Variants in FRS2 observed in about 807,000 individuals in gnomAD.
FRS2 encodes the protein FGFR signalling adaptor.
Under a neutral mutation model 43.9 loss-of-function variants are expected in FRS2, and 8 were observed. The observed-to-expected ratio is 0.18, with a 90% confidence interval of 0.11 to 0.33. FRS2 has a LOEUF of 0.33. Ranked by LOEUF, FRS2 falls within the 10% of genes least tolerant of loss-of-function variation. The probability of loss-of-function intolerance (pLI) is 1.00; values close to 1 mark genes in which losing one functional copy is unlikely to be tolerated. For missense variants in FRS2, 534 were observed against 627.6 expected (o/e 0.85, Z 1.59); for synonymous variants, 219 against 220.3 (o/e 0.99, Z 0.05).
intron 3 of FRS2, among the ~76,000 whole-genome samples, chr12:69,545,766 AAAAAAAAAAAAAC>A (rs1245819174): frequency 1.1e-4 from 16 of 150,786 alleles, no homozygotes; most frequent in African/African-American, 3.2e-4. Context: ...AAAAAAAAAA[AAAAAAAAAAAAAC>A]AAAAACAAAA....
At chr12:69,572,347 ACT>A in intron 8 of FRS2, 66 bp downstream of exon 8, 2 of 1,224,592 alleles carry the variant, frequency 1.6e-6, no homozygotes, top group South Asian at 2.7e-5. Context: ...CTGTGCTAAT[ACT>A]GGAAGATTTT....
rs749215723 is a variant in FRS2 at position 69,574,605 on chromosome 12, G to A, written c.1177G>A (p.Val393Ile). 2 of 1,614,052 alleles carry A rather than the reference G, an allele frequency of 1.2e-6. No homozygotes were observed. Among genetic ancestry groups the A allele is most frequent in the Non-Finnish European group, 1.7e-6 (2 of 1,179,934 alleles). ...TAATCTAGATCCAATGCATAACTAT[G>A]TAAATACAGAGAATGTAACAGTGCC... Reference protein sequence around the residue: ...HNNLDPMHNYVNTENVTVPAS... With the variant: ...HNNLDPMHNYINTENVTVPAS... Residue 393 changes from valine (V) to isoleucine (I), a missense_variant, in exon 9 of 9, where the codon GTA becomes ATA. Val to Ile is a conservative substitution (Grantham distance 29). Around this residue, in one of 3 missense-constraint regions of FRS2, gnomAD observed 446 missense variants for 494.2 expected, o/e 0.90. Transcript: ENST00000549921.
chr12:69,477,534 G>T (rs1422963496), intron 1 of FRS2, among the ~76,000 whole-genome samples: 2 of 150,720 alleles, frequency 1.3e-5, no homozygotes, highest in Non-Finnish European at 2.9e-5. Flanking sequence ...TGCCTGCCTC[G>T]GCCTCCCAAA....
At chr12:69,499,081 T>C (rs1426085215) in intron 1 of FRS2, among the ~76,000 whole-genome samples, 1 of 152,174 alleles carries the variant, frequency 6.6e-6, no homozygotes, top group African/African-American at 2.4e-5. Flanking sequence ...TGAAAATCTA[T>C]TATATTGGTA....
intron 1 of FRS2, among the ~76,000 whole-genome samples, chr12:69,526,387 T>C (rs1248155664): frequency 6.6e-6 from 1 of 152,230 alleles, no homozygotes; most frequent in Non-Finnish European, 1.5e-5. Flanking sequence ...TATATTACTT[T>C]TGCTATGTGA....
intron 1 of FRS2, among the ~76,000 whole-genome samples, chr12:69,480,541 C>T (rs1179969804): frequency 3.3e-5 from 5 of 152,134 alleles, no homozygotes; most frequent in African/African-American, 1.2e-4. Context: ...TCATAGCACA[C>T]TACAACCTCA....
chr12:69,475,015 T>A (rs1480405867), intron 1 of FRS2, among the ~76,000 whole-genome samples: 1 of 149,106 alleles, frequency 6.7e-6, no homozygotes, highest in Non-Finnish European at 1.5e-5. Flanking sequence ...TAGAATAAGA[T>A]ACTTTTATCC....
intron 1 of FRS2, among the ~76,000 whole-genome samples, chr12:69,476,800 G>C (rs1382971644): frequency 6.6e-6 from 1 of 151,930 alleles, no homozygotes; most frequent in Non-Finnish European, 1.5e-5. Flanking sequence ...ACCTAGCCTA[G>C]GTGACTGTTA....
At chr12:69,499,269 A>G (rs1312692874) in intron 1 of FRS2, among the ~76,000 whole-genome samples, 1 of 152,190 alleles carries the variant, frequency 6.6e-6, no homozygotes, top group Non-Finnish European at 1.5e-5. Flanking sequence ...GCAAAGGTCA[A>G]TTTAGAGGAC....
At chr12:69,501,086 C>T (rs1439453483) in intron 1 of FRS2, among the ~76,000 whole-genome samples, 2 of 151,856 alleles carry the variant, frequency 1.3e-5, no homozygotes, top group African/African-American at 4.8e-5. Flanking sequence ...GCTTTCCCTG[C>T]CTTCTTTTCA....
At chr12:69,551,969 C>T (rs943844216) in intron 3 of FRS2, among the ~76,000 whole-genome samples, 7 of 151,760 alleles carry the variant, frequency 4.6e-5, no homozygotes, top group African/African-American at 1.7e-4. Flanking sequence ...GTTAAATTGA[C>T]TTTTTTTCTT....
At chr12:69,487,471 A>G (rs1245170233) in intron 1 of FRS2, among the ~76,000 whole-genome samples, 1 of 152,204 alleles carries the variant, frequency 6.6e-6, no homozygotes, top group East Asian at 1.9e-4. Flanking sequence ...GGTTTATTGA[A>G]TATTTTAAGC....
In FRS2 at chr12:69,571,425, A is replaced by C. The variant is rs1451309793; in HGVS notation, c.403A>C (p.Thr135Pro). The C allele has an allele frequency of 6.2e-7, 1 of 1,611,838 alleles. No individual in the cohort carries two copies. Among genetic ancestry groups the C allele is most frequent in the Non-Finnish European group, 8.5e-7 (1 of 1,178,828 alleles). Residue 135 changes from threonine (T) to proline (P), a missense_variant, in exon 7 of 9, where the codon ACA becomes CCA. Thr to Pro is a conservative substitution (Grantham distance 38). Transcript: ENST00000549921. Reference protein sequence around the residue: ...TELEVPRTPRTPTTPGFAAQN... With the variant: ...TELEVPRTPRPPTTPGFAAQN... ...ATTGGAAGTCCCTAGAACACCTCGA[A>C]CACCTACAAGTAAGTACCCCTTTTC...
intron 3 of FRS2, among the ~76,000 whole-genome samples, chr12:69,544,471 C>G (rs1459602244): frequency 6.6e-6 from 1 of 152,096 alleles, no homozygotes; most frequent in African/African-American, 2.4e-5. Context: ...TTTGAGGAGG[C>G]TGAGGTGGGT....
intron 3 of FRS2, among the ~76,000 whole-genome samples, chr12:69,547,791 A>T (rs1292643745): frequency 7.0e-6 from 1 of 143,680 alleles, no homozygotes; most frequent in Admixed American, 6.9e-5. Flanking sequence ...TTTCAAAGTC[A>T]TGAATTTTAC....
At chr12:69,550,195 A>C (rs981214848) in intron 3 of FRS2, among the ~76,000 whole-genome samples, 3 of 152,220 alleles carry the variant, frequency 2.0e-5, no homozygotes, top group African/African-American at 7.2e-5. Context: ...ACCTCAACTA[A>C]AAATGTATTT....
At chr12:69,526,672 G>T (rs1176843852) in intron 1 of FRS2, among the ~76,000 whole-genome samples, 3 of 151,542 alleles carry the variant, frequency 2.0e-5, no homozygotes, top group Non-Finnish European at 4.4e-5. Context: ...ACATGTGTAT[G>T]TATGTAGATA....
intron 1 of FRS2, among the ~76,000 whole-genome samples, chr12:69,479,413 T>A (rs1565712808): frequency 6.6e-6 from 1 of 151,104 alleles, no homozygotes; most frequent in African/African-American, 2.4e-5. Context: ...TTTTTCTTTT[T>A]TTTTGAGACC....
intron 6 of FRS2, among the ~76,000 whole-genome samples, chr12:69,570,880 A>G (rs1035597702): frequency 7.2e-5 from 11 of 152,248 alleles, no homozygotes; most frequent in African/African-American, 2.2e-4. Flanking sequence ...GGTAATACCT[A>G]TCTTTTAATT....
Sources: gnomAD v4.1 joint callset for allele counts (sites outside exome capture counted in the v4.1 genomes callset) on GRCh38, gnomAD v4.1.1 for gene constraint, gnomAD v4.1.1 regional missense constraint, MANE v1.5 for transcripts, NCBI Gene and HGNC (gene_info 2026-07-23, HGNC 2026-07-21) for gene names.